Variants in CLIC5 observed in about 807,000 individuals in gnomAD.
CLIC5 encodes chloride intracellular channel protein 5.
Under a neutral mutation model 24.7 loss-of-function variants are expected in CLIC5, and 20 were observed. That is an observed-to-expected ratio of 0.81 (90% CI 0.57 to 1.18). CLIC5 has a LOEUF of 1.18. Ranked by LOEUF, CLIC5 falls within the 50% of genes most tolerant of loss-of-function variation. CLIC5 has a pLI of 0.00. For synonymous variants in CLIC5, 159 were observed against 135.6 expected (o/e 1.17, Z -1.20); for missense variants, 341 against 326.1 (o/e 1.05, Z -0.35).
chr6:46,036,472 A>T (rs1436434713), intron 1 of CLIC5, among the ~76,000 whole-genome samples: 1 of 151,574 alleles, frequency 6.6e-6, no homozygotes, highest in African/African-American at 2.4e-5. Context: ...CACCACGCCC[A>T]GCTAATTTTT....
At chr6:45,906,600 T>C (rs972589693) in intron 5 of CLIC5, among the ~76,000 whole-genome samples, 1 of 151,864 alleles carries the variant, frequency 6.6e-6, no homozygotes, top group Non-Finnish European at 1.5e-5. Flanking sequence ...TTCGCTCTTG[T>C]TGCCCAGGCT....
the CLIC5 span, among the ~76,000 whole-genome samples, chr6:46,092,633 TTG>T: frequency 0.56 from 84,087 of 151,146 alleles, 23,642 homozygotes; most frequent in Middle Eastern, 0.76. Context: ...TTATTCCCTT[TTG>T]TGTGTGTGTG....
At chr6:45,937,810 G>A (rs1290662400) in intron 4 of CLIC5, among the ~76,000 whole-genome samples, 2 of 152,218 alleles carry the variant, frequency 1.3e-5, no homozygotes, top group East Asian at 3.8e-4. Context: ...GGTTGTGGTA[G>A]CTGGGGACTT....
intron 1 of CLIC5, among the ~76,000 whole-genome samples, chr6:46,058,551 C>T (rs963693143): frequency 1.3e-5 from 2 of 152,182 alleles, no homozygotes. Flanking sequence ...ATAACTGATT[C>T]AATGTAATGG....
chr6:45,936,958 T>A lies in CLIC5; in HGVS notation c.406+4589A>T, dbSNP rs939688529. ...GAGAGGAGGGGGCATGGAGGCAGTATCTGGTTACTGCAGACCAAGGGGACC... is the reference window on the plus strand; with the variant it reads ...GAGAGGAGGGGGCATGGAGGCAGTAACTGGTTACTGCAGACCAAGGGGACC... On this transcript the variant is annotated intron_variant, in intron 4 of 5. Transcript: ENST00000339561. Among the ~76,000 whole-genome samples, 3 of 151,822 alleles carry A rather than the reference T, an allele frequency of 2.0e-5. 1 individual carries two copies. The highest frequency in any genetic ancestry group is 2.0e-4 in the Admixed American group (3 of 15,236).
At chr6:46,083,313 C>T (rs1487554953), upstream of CLIC5, among the ~76,000 whole-genome samples, 1 of 152,274 alleles carries the variant, frequency 6.6e-6, no homozygotes, top group East Asian at 1.9e-4. Flanking sequence ...TTGCCTTCTG[C>T]TAACTTTTGA....
exon 1 of CLIC5, chr6:46,080,243 G>C (rs1170632630): frequency 5.8e-6 from 9 of 1,549,138 alleles, no homozygotes; most frequent in Non-Finnish European, 6.1e-6. Flanking sequence ...CGTCATTCAT[G>C]CTTATTGATC....
intron 5 of CLIC5, among the ~76,000 whole-genome samples, chr6:45,907,748 C>G (rs116043364): frequency 6.6e-6 from 1 of 152,110 alleles, no homozygotes; most frequent in Non-Finnish European, 1.5e-5. Flanking sequence ...CCAATTCAAT[C>G]TTGGAATATT....
chr6:45,888,812 A>G (rs1195394801), intron 6 of CLIC5, among the ~76,000 whole-genome samples: 1 of 152,160 alleles, frequency 6.6e-6, no homozygotes, highest in African/African-American at 2.4e-5. Context: ...ATGAATTATT[A>G]TATATTTGCT....
At chr6:46,053,375 A>G (rs1768158013) in intron 1 of CLIC5, among the ~76,000 whole-genome samples, 2 of 152,330 alleles carry the variant, frequency 1.3e-5, no homozygotes, top group East Asian at 1.9e-4. Context: ...GCTATATTAG[A>G]TGGTGAGGAG....
intron 1 of CLIC5, among the ~76,000 whole-genome samples, chr6:46,064,981 T>C (rs986352047): frequency 6.6e-6 from 1 of 152,078 alleles, no homozygotes; most frequent in Non-Finnish European, 1.5e-5. Flanking sequence ...GACACTGTCA[T>C]GAAAATGAAA....
intron 1 of CLIC5, among the ~76,000 whole-genome samples, chr6:46,001,198 C>T (rs1162448695): frequency 1.3e-5 from 2 of 152,094 alleles, no homozygotes; most frequent in East Asian, 3.9e-4. Context: ...GGTTTTTCTC[C>T]AGCAGTGTCC....
intron 1 of CLIC5, chr6:46,079,674 A>G (rs780422803): frequency 6.6e-7 from 1 of 1,519,446 alleles, no homozygotes; most frequent in Non-Finnish European, 8.9e-7. Context: ...CTGCATGAAC[A>G]GGGTATGCCT....
intron 4 of CLIC5, among the ~76,000 whole-genome samples, chr6:45,933,886 G>C (rs1233351562): frequency 6.6e-6 from 1 of 152,176 alleles, no homozygotes; most frequent in Admixed American, 6.5e-5. Flanking sequence ...TTGTGAGATC[G>C]GGAGGAGCAC....
upstream of CLIC5, among the ~76,000 whole-genome samples, chr6:46,083,260 C>T (rs1035370636): frequency 1.3e-5 from 2 of 152,046 alleles, no homozygotes; most frequent in African/African-American, 2.4e-5. Context: ...AGGGTTTTTT[C>T]TGTCTCTATT....
At chr6:46,079,654 GC>G in intron 1 of CLIC5, 1 of 1,446,398 alleles carries the variant, frequency 6.9e-7, no homozygotes, top group Non-Finnish European at 9.4e-7. Context: ...TAAAACACCA[GC>G]CATAATATCT....
intron 3 of CLIC5, among the ~76,000 whole-genome samples, chr6:45,943,389 G>C (rs1764195129): frequency 6.6e-6 from 1 of 152,232 alleles, no homozygotes; most frequent in Non-Finnish European, 1.5e-5. Context: ...GTCTTCCTGG[G>C]TATACTGAGA....
At chr6:45,921,898 G>A (rs1008274176) in intron 4 of CLIC5, among the ~76,000 whole-genome samples, 5 of 152,212 alleles carry the variant, frequency 3.3e-5, no homozygotes, top group African/African-American at 7.2e-5. Flanking sequence ...TGGCCTCATA[G>A]CCAGAGAGGA....
At chr6:45,935,064 A>T (rs1763880390) in intron 4 of CLIC5, among the ~76,000 whole-genome samples, 1 of 152,210 alleles carries the variant, frequency 6.6e-6, no homozygotes, top group Admixed American at 6.5e-5. Flanking sequence ...ATGATAAGTA[A>T]CTAAAATGAA....
Sources: gnomAD v4.1 joint callset for allele counts (sites outside exome capture counted in the v4.1 genomes callset) on GRCh38, gnomAD v4.1.1 for gene constraint, MANE v1.5 for transcripts, NCBI Gene and HGNC (gene_info 2026-07-23, HGNC 2026-07-21) for gene names.